The following KALRN variants were observed in gnomAD, a reference collection of about 807,000 sequenced individuals.
The protein encoded by KALRN is kalirin.
KALRN carries 70 observed loss-of-function variants against 353.7 expected under a neutral mutation model. The observed-to-expected ratio is 0.20, with a 90% CI of 0.16 to 0.24. KALRN has a LOEUF of 0.24. KALRN is among the 10% of genes least tolerant of loss of function. KALRN has a pLI of 1.00. For synonymous variants in KALRN, 1,391 were observed against 1,434.8 expected (o/e 0.97, Z 0.69); for missense variants, 2,791 against 3,756.7 (o/e 0.74, Z 6.72).
intron 3 of KALRN, among the ~76,000 whole-genome samples, chr3:124,241,227 C>T (rs1483122586): frequency 6.6e-6 from 1 of 152,176 alleles, no homozygotes; most frequent in Non-Finnish European, 1.5e-5. Context: ...TAGTTCAGCA[C>T]ATATTTTCAT....
chr3:124,090,191 C>T (rs1240228947), intron 1 of KALRN, among the ~76,000 whole-genome samples: 1 of 151,984 alleles, frequency 6.6e-6, no homozygotes, highest in African/African-American at 2.4e-5. Context: ...GAACTAGAAG[C>T]CCCCAGAGAA....
At chr3:124,365,112 A>C (rs1053369074) in intron 10 of KALRN, among the ~76,000 whole-genome samples, 1 of 152,168 alleles carries the variant, frequency 6.6e-6, no homozygotes, top group Non-Finnish European at 1.5e-5. Flanking sequence ...TGGGGTCTAT[A>C]TAACTTAATT....
chr3:124,492,107 A>G (rs1385733204), intron 31 of KALRN, among the ~76,000 whole-genome samples: 1 of 152,210 alleles, frequency 6.6e-6, no homozygotes, highest in African/African-American at 2.4e-5. Context: ...CAAGGAAAAA[A>G]TGGTCCAACC....
chr3:124,077,758 G>T (rs2149300553), intron 1 of KALRN, among the ~76,000 whole-genome samples: 1 of 152,304 alleles, frequency 6.6e-6, no homozygotes, highest in South Asian at 2.1e-4. Context: ...ACCTTGGCAT[G>T]CTCCTGCTCA....
chr3:124,701,976 A>T (rs1472433341), intron 56 of KALRN, 62 bp from the exon 57 acceptor site: 11 of 1,357,206 alleles, frequency 8.1e-6, no homozygotes, highest in South Asian at 1.2e-5. Flanking sequence ...TTTTCTGTTA[A>T]TTTTTTCTTT....
chr3:124,056,103 A>G (rs1025368914), intron 1 of KALRN, among the ~76,000 whole-genome samples: 1 of 152,192 alleles, frequency 6.6e-6, no homozygotes, highest in African/African-American at 2.4e-5. Flanking sequence ...AAGCATCAGG[A>G]CTTTTAACCC....
At chr3:124,330,749 G>A (rs2080464487) in intron 8 of KALRN, among the ~76,000 whole-genome samples, 2 of 152,208 alleles carry the variant, frequency 1.3e-5, no homozygotes, top group South Asian at 4.1e-4. Flanking sequence ...GCTGATTAAG[G>A]AAGCTGGATG....
At chr3:124,407,073 A>T (rs1467629089) in intron 13 of KALRN, among the ~76,000 whole-genome samples, 1 of 151,980 alleles carries the variant, frequency 6.6e-6, no homozygotes, top group East Asian at 1.9e-4. Flanking sequence ...ACCTCAGGTG[A>T]TCCACCTGCG....
At chr3:124,456,775 T>C (rs1302697768) in intron 23 of KALRN, 47 bp downstream of exon 23, 2 of 1,355,294 alleles carry the variant, frequency 1.5e-6, no homozygotes, top group African/African-American at 1.4e-5. Flanking sequence ...GTGACTATGC[T>C]GGGCTTTCAC....
chr3:124,221,618 C>A (rs553713455), intron 1 of KALRN, among the ~76,000 whole-genome samples: 1 of 152,246 alleles, frequency 6.6e-6, no homozygotes, highest in African/African-American at 2.4e-5. Flanking sequence ...ATCAACAGAA[C>A]CAAGTAGCCA....
At chr3:124,554,766 G>A (rs2071003340) in intron 33 of KALRN, among the ~76,000 whole-genome samples, 1 of 152,174 alleles carries the variant, frequency 6.6e-6, no homozygotes, top group African/African-American at 2.4e-5. Context: ...TCAATATTCT[G>A]TGTAAAGGAA....
At chr3:124,073,197 T>C (rs1321525519) in intron 1 of KALRN, among the ~76,000 whole-genome samples, 2 of 152,196 alleles carry the variant, frequency 1.3e-5, no homozygotes, top group Admixed American at 6.5e-5. Context: ...ATACGAATCT[T>C]CACCCAGTGA....
At chr3:124,573,933 T>A (rs1484087793) in intron 34 of KALRN, among the ~76,000 whole-genome samples, 1 of 152,224 alleles carries the variant, frequency 6.6e-6, no homozygotes, top group Admixed American at 6.5e-5. Flanking sequence ...CATGACCTAT[T>A]CTCTGTCATT....
intron 2 of KALRN, 73 bp from the exon 3 acceptor site, chr3:124,234,754 CAG>C (rs1220425083): frequency 8.7e-7 from 1 of 1,150,314 alleles, no homozygotes; most frequent in Non-Finnish European, 1.3e-6. Context: ...AGCACTCAGA[CAG>C]ATTTCTTTTT....
At chr3:124,186,803 A>C (rs536626504) in intron 1 of KALRN, among the ~76,000 whole-genome samples, 1 of 152,124 alleles carries the variant, frequency 6.6e-6, no homozygotes, top group Non-Finnish European at 1.5e-5. Context: ...CTTTGACTTA[A>C]GATGTTTTGC....
At chr3:124,564,023 A>T (rs2072410165) in intron 34 of KALRN, among the ~76,000 whole-genome samples, 1 of 132,220 alleles carries the variant, frequency 7.6e-6, no homozygotes, top group Non-Finnish European at 1.6e-5. Context: ...AAAAAAAAAA[A>T]ATTAAAAAAA....
intron 10 of KALRN, among the ~76,000 whole-genome samples, chr3:124,359,073 T>C (rs1038240793): frequency 3.3e-5 from 5 of 152,172 alleles, no homozygotes; most frequent in Admixed American, 6.5e-5. Context: ...AGTGATACTT[T>C]TTCCCTCCTT....
chr3:124,532,405 A>G (rs1462759476), intron 33 of KALRN, among the ~76,000 whole-genome samples: 1 of 152,234 alleles, frequency 6.6e-6, no homozygotes, highest in East Asian at 1.9e-4. Flanking sequence ...CTGTAATGGC[A>G]TAGAACACTG....
intron 3 of KALRN, among the ~76,000 whole-genome samples, chr3:124,257,708 A>T (rs953111860): frequency 6.6e-6 from 1 of 152,206 alleles, no homozygotes; most frequent in Non-Finnish European, 1.5e-5. Context: ...ACTATAGGGC[A>T]GGGTGAGCAC....
Sources: gnomAD v4.1 joint callset for allele counts (sites outside exome capture counted in the v4.1 genomes callset) on GRCh38, gnomAD v4.1.1 for gene constraint, MANE v1.5 for transcripts, NCBI Gene and HGNC (gene_info 2026-07-23, HGNC 2026-07-21) for gene names.